Variants in IQGAP2 observed in about 807,000 individuals in gnomAD.
The protein encoded by IQGAP2 is ras GTPase-activating-like protein IQGAP2.
IQGAP2 carries 173 observed loss-of-function variants against 201.3 expected under a neutral mutation model. The ratio of observed to expected loss-of-function variants is 0.86; its 90% CI spans 0.76 to 0.98. The LOEUF (loss-of-function observed/expected upper bound fraction) is 0.98, where lower values mean the gene tolerates loss of function less well. IQGAP2 is among the 50% of genes least tolerant of loss of function. IQGAP2 has a pLI of 0.00. For synonymous variants in IQGAP2, 675 were observed against 673.9 expected, an observed-to-expected ratio of 1.00 and a Z score of -0.03; for missense variants, 1,687 against 1,864.8, an observed-to-expected ratio of 0.90 and a Z score of 1.76.
chr5:76,675,922 A>G (rs1047713437), intron 27 of IQGAP2, among the ~76,000 whole-genome samples: 9 of 152,096 alleles, frequency 5.9e-5, no homozygotes, highest in African/African-American at 2.2e-4. Context: ...TCTACAAAAA[A>G]TTTAAAAAAT....
At chr5:76,697,248 G>T (rs879795664) in intron 32 of IQGAP2, among the ~76,000 whole-genome samples, 1 of 152,102 alleles carries the variant, frequency 6.6e-6, no homozygotes, top group Non-Finnish European at 1.5e-5. Flanking sequence ...GGAAATATTT[G>T]TCAGATGAAA....
intron 2 of IQGAP2, among the ~76,000 whole-genome samples, chr5:76,536,058 G>A (rs1759602522): frequency 7.7e-6 from 1 of 130,448 alleles, no homozygotes; most frequent in South Asian, 3.0e-4. Flanking sequence ...CTTTCCAGGA[G>A]CATATTCTTT....
chr5:76,645,905 C>G (rs537019185), intron 17 of IQGAP2, among the ~76,000 whole-genome samples: 1 of 151,334 alleles, frequency 6.6e-6, no homozygotes, highest in South Asian at 2.1e-4. Flanking sequence ...TAATCTGTTA[C>G]TATGACAGGT....
At chr5:76,450,988 A>G (rs6880993) in intron 1 of IQGAP2, among the ~76,000 whole-genome samples, 133,317 of 152,098 alleles carry the variant, frequency 0.88, 58,826 homozygotes, top group Non-Finnish European at 0.94. Context: ...AATAGCACCC[A>G]TCTGTTCAAC....
chr5:76,524,123 G>C (rs1758842542), intron 2 of IQGAP2, among the ~76,000 whole-genome samples: 1 of 152,194 alleles, frequency 6.6e-6, no homozygotes, highest in African/African-American at 2.4e-5. Context: ...CCCCAGTTAA[G>C]GCAAAGGACA....
intron 2 of IQGAP2, among the ~76,000 whole-genome samples, chr5:76,506,687 G>A (rs545124433): frequency 1.1e-3 from 165 of 152,250 alleles, no homozygotes; most frequent in Admixed American, 2.9e-3. Context: ...GCAATGTAAA[G>A]ATGAATACAT....
At chr5:76,544,546 C>G (rs1742977615) in intron 2 of IQGAP2, among the ~76,000 whole-genome samples, 1 of 152,220 alleles carries the variant, frequency 6.6e-6, no homozygotes, top group South Asian at 2.1e-4. Flanking sequence ...GGAGATGGAT[C>G]TAGCTAAGGC....
intron 1 of IQGAP2, among the ~76,000 whole-genome samples, chr5:76,405,531 A>G (rs1283098368): frequency 1.3e-5 from 2 of 152,254 alleles, no homozygotes; most frequent in East Asian, 3.8e-4. Context: ...TAAGGCTTTA[A>G]TATGACAGTT....
At chr5:76,592,751 G>A in intron 8 of IQGAP2, 87 bp from the exon 9 acceptor site, 1 of 874,294 alleles carries the variant, frequency 1.1e-6, no homozygotes, top group Non-Finnish European at 1.9e-6. Flanking sequence ...AATGGTTTTT[G>A]TCACTCTTCA....
chr5:76,564,438 T>C (rs2150258362), intron 3 of IQGAP2, among the ~76,000 whole-genome samples: 1 of 152,310 alleles, frequency 6.6e-6, no homozygotes, highest in Admixed American at 6.5e-5. Context: ...TTTCATGAAC[T>C]GTGAGAATCA....
chr5:76,606,507 A>G lies in IQGAP2; in HGVS notation c.1357+204A>G, dbSNP rs191184193. 1.0e-3 allele frequency: 327 copies of G among 326,364 alleles called. 2 individuals carry two copies. Among genetic ancestry groups the G allele is most frequent in the African/African-American group, 6.4e-3 (300 of 47,186 alleles). 20.2% of individuals were successfully genotyped at this position (326,364 alleles called of 1,614,324 possible). On this transcript the variant is annotated intron_variant, in intron 12 of 35. Transcript: ENST00000274364. ...TTATAAACGTTACAAAGCCTACACAAGAATTCATAATATAATAAAATACAC... is the reference window on the plus strand; with the variant it reads ...TTATAAACGTTACAAAGCCTACACAGGAATTCATAATATAATAAAATACAC...
At chr5:76,689,102 G>A (rs1746032650) in intron 30 of IQGAP2, among the ~76,000 whole-genome samples, 1 of 151,978 alleles carries the variant, frequency 6.6e-6, no homozygotes. Flanking sequence ...CCAAAGAGGA[G>A]GGACAAAGGG....
chr5:76,445,666 T>C (rs955766976), intron 1 of IQGAP2, among the ~76,000 whole-genome samples: 1 of 152,140 alleles, frequency 6.6e-6, no homozygotes, highest in Admixed American at 6.5e-5. Flanking sequence ...GGTTTCACCA[T>C]GTTGGCCAGG....
At chr5:76,576,872 T>G (rs528070400) in intron 5 of IQGAP2, among the ~76,000 whole-genome samples, 1 of 152,348 alleles carries the variant, frequency 6.6e-6, no homozygotes, top group African/African-American at 2.4e-5. Context: ...ACAAACCTAC[T>G]TCATGCTGCC....
intron 13 of IQGAP2, among the ~76,000 whole-genome samples, chr5:76,621,456 G>A (rs921108852): frequency 1.3e-5 from 2 of 152,182 alleles, no homozygotes; most frequent in Non-Finnish European, 2.9e-5. Flanking sequence ...TTTGCATTTT[G>A]GAAAAGTTCT....
At chr5:76,606,789 A>C (rs183550316) in intron 12 of IQGAP2, 1 of 152,236 alleles carries the variant, frequency 6.6e-6, no homozygotes, top group Non-Finnish European at 1.5e-5. Context: ...ATGAAAGCAT[A>C]CCAACCTCAG....
At chr5:76,503,758 A>C (rs1165959763) in intron 2 of IQGAP2, among the ~76,000 whole-genome samples, 1 of 150,954 alleles carries the variant, frequency 6.6e-6, no homozygotes, top group Non-Finnish European at 1.5e-5. Flanking sequence ...ATGCCCAGCT[A>C]ATTTTTGTAT....
At position 76,697,967 on chromosome 5, in the gene IQGAP2, C is replaced by A. The variant is rs777625061; in HGVS notation, c.4207-20C>A. On this transcript the variant is annotated intron_variant, in intron 32 of 35. Coordinates refer to ENST00000274364, the MANE Select transcript of IQGAP2 (RefSeq NM_006633.5). ...AGCAAACTTCTGCTTAAATATGATA[C>A]CCCTTACTTGTTGTTTTAGGATATT... 8.3e-5 allele frequency: 133 copies of A among 1,594,570 alleles called. No homozygotes were observed. Among genetic ancestry groups the A allele is most frequent in the Non-Finnish European group, 1.1e-4 (129 of 1,169,150 alleles).
chr5:76,651,420 T>C (rs1246309470), intron 17 of IQGAP2, among the ~76,000 whole-genome samples: 1 of 152,136 alleles, frequency 6.6e-6, no homozygotes, highest in Admixed American at 6.5e-5. Flanking sequence ...CTGGGCAACA[T>C]AGTGAAACTT....
Sources: allele counts gnomAD v4.1 joint callset (sites outside exome capture counted in the v4.1 genomes callset), GRCh38; gene constraint gnomAD v4.1.1; transcripts MANE v1.5; gene names NCBI Gene and HGNC (gene_info 2026-07-23, HGNC 2026-07-21).